GOLPH3: variants seen among roughly 807,000 people sequenced by gnomAD.
GOLPH3 encodes the protein golgi phosphoprotein 3.
In GOLPH3, 14 loss-of-function variants were observed where a neutral mutation model predicts 28.5. The observed-to-expected ratio is 0.49, with a 90% CI of 0.32 to 0.77. GOLPH3 has a LOEUF of 0.77. Among genes scored for constraint, GOLPH3 ranks in the 30% least tolerant of loss-of-function variants. The pLI, the probability that GOLPH3 is intolerant of heterozygous loss-of-function variation, is 0.03. For missense variants in GOLPH3, 350 were observed against 393.7 expected, an observed-to-expected ratio of 0.89 and a Z score of 0.94; for synonymous variants, 158 against 159.2, an observed-to-expected ratio of 0.99 and a Z score of 0.06.
intron 1 of GOLPH3, among the ~76,000 whole-genome samples, chr5:32,172,297 T>C (rs1006176897): frequency 6.6e-6 from 1 of 151,942 alleles, no homozygotes; most frequent in African/African-American, 2.4e-5. Context: ...AAACGGTCCA[T>C]ATAAAACTCG....
At position 32,166,827 on chromosome 5, in the gene GOLPH3, G is replaced by C. The variant is rs966626172; in HGVS notation, c.225+6983C>G. 1.5e-4 allele frequency among the ~76,000 whole-genome samples: 22 copies of C among 151,678 alleles called. No homozygotes were observed. The East Asian group carries it at 4.3e-3, about 29-fold the overall frequency. On this transcript the variant is annotated intron_variant, in intron 1 of 3. Coordinates refer to ENST00000265070, the MANE Select transcript of GOLPH3 (RefSeq NM_022130.4). The stretch of plus-strand genomic sequence containing the variant: ...CATCTTAAAAAAAAAAAAAAAGCAG[G>C]AGGAGGACAAGCACTGTCTTTTTGT...
At chr5:32,146,307 T>C (rs1238147158) in intron 1 of GOLPH3, among the ~76,000 whole-genome samples, 1 of 147,572 alleles carries the variant, frequency 6.8e-6, no homozygotes, top group Non-Finnish European at 1.5e-5. Context: ...AAAAAAAAGA[T>C]AAAATATGTG....
chr5:32,139,697 G>A (rs1581541388), intron 2 of GOLPH3, among the ~76,000 whole-genome samples: 1 of 151,988 alleles, frequency 6.6e-6, no homozygotes, highest in African/African-American at 2.4e-5. Context: ...TTTTTTTGGG[G>A]GGACGGGAAC....
At chr5:32,158,508 G>A (rs1057211148) in intron 1 of GOLPH3, among the ~76,000 whole-genome samples, 1 of 151,928 alleles carries the variant, frequency 6.6e-6, no homozygotes, top group African/African-American at 2.4e-5. Context: ...AGACAGACCC[G>A]GACCAACCCT....
chr5:32,148,453 T>C (rs765846528), intron 1 of GOLPH3, among the ~76,000 whole-genome samples: 1 of 152,222 alleles, frequency 6.6e-6, no homozygotes, highest in East Asian at 1.9e-4. Context: ...ATATTTTCTA[T>C]ATAAGGTTGA....
intron 1 of GOLPH3, among the ~76,000 whole-genome samples, chr5:32,163,424 T>A (rs1581556798): frequency 1.3e-5 from 2 of 152,166 alleles, no homozygotes. Context: ...ACATCTGTGA[T>A]CCCAGCACTT....
intron 1 of GOLPH3, among the ~76,000 whole-genome samples, chr5:32,169,111 TA>T (rs201258179): frequency 6.6e-6 from 1 of 150,770 alleles, no homozygotes; most frequent in Non-Finnish European, 1.5e-5. Context: ...CCTGTCTTTA[TA>T]AAAAAAAAAT....
intron 3 of GOLPH3, among the ~76,000 whole-genome samples, chr5:32,129,441 T>C (rs1745775752): frequency 3.3e-5 from 5 of 152,224 alleles, no homozygotes; most frequent in Admixed American, 3.3e-4. Context: ...GTATTTATAA[T>C]GTTCTAAGAA....
rs1323965110 is a variant in GOLPH3 at position 32,124,786 on chromosome 5, C to T, written c.*1426G>A. On this transcript the variant is annotated 3_prime_UTR_variant, in exon 4 of 4. Transcript: ENST00000265070. ...AAGATAGTATACATATTAGGGAATCCCTTAAAATTCAACTCTAGAGTTATA... is the reference window on the plus strand; with the variant it reads ...AAGATAGTATACATATTAGGGAATCTCTTAAAATTCAACTCTAGAGTTATA... The T allele has an allele frequency of 6.6e-6, 1 of 152,282 alleles. No homozygotes were observed. The highest frequency in any genetic ancestry group is 6.6e-5 in the Admixed American group (1 of 15,252). 9.4% of individuals were successfully genotyped at this position (152,282 alleles called of 1,614,324 possible). A position where few individuals can be genotyped will look rare whatever the true frequency, so the allele number is the denominator to read the frequency against.
intron 1 of GOLPH3, among the ~76,000 whole-genome samples, chr5:32,146,157 G>A (rs756838993): frequency 3.3e-5 from 5 of 151,940 alleles, no homozygotes; most frequent in Non-Finnish European, 7.4e-5. Context: ...GGGCATGGTG[G>A]CACCCGTCTG....
intron 1 of GOLPH3, among the ~76,000 whole-genome samples, chr5:32,173,333 A>C (rs1214571436): frequency 6.6e-6 from 1 of 151,700 alleles, no homozygotes; most frequent in East Asian, 1.9e-4. Context: ...GTAAGCTTTA[A>C]CTGAAGAAGA....
At chr5:32,152,696 C>T (rs1746334007) in intron 1 of GOLPH3, among the ~76,000 whole-genome samples, 1 of 151,236 alleles carries the variant, frequency 6.6e-6, no homozygotes, top group South Asian at 2.1e-4. Flanking sequence ...GCAGGAGAAT[C>T]GCTTGAACTC....
chr5:32,162,905 C>T (rs1004087661), intron 1 of GOLPH3, among the ~76,000 whole-genome samples: 1 of 152,124 alleles, frequency 6.6e-6, no homozygotes, highest in African/African-American at 2.4e-5. Flanking sequence ...AGTGAAACCC[C>T]GTCTCTACCA....
In GOLPH3 at chr5:32,158,112, AAATAAATAAAT is replaced by A. The variant is rs1226163034; in HGVS notation, c.226-14243_226-14233del. ...TCTCAAAATAAATAAATAAATAAAT[AAATAAATAAAT>A]AAATAAAATACACACACACACACAC... On this transcript the variant is annotated intron_variant, in intron 1 of 3. Transcript: ENST00000265070. Among the ~76,000 whole-genome samples the A allele has an allele frequency of 2.8e-4, 33 of 119,516 alleles. 2 individuals are homozygous for A. Among genetic ancestry groups the A allele is most frequent in the Admixed American group, 7.1e-4 (8 of 11,248 alleles). 78.4% of individuals were successfully genotyped at this position (119,516 alleles called of 152,430 possible).
chr5:32,171,858 G>A (rs1275113926), intron 1 of GOLPH3, among the ~76,000 whole-genome samples: 1 of 151,880 alleles, frequency 6.6e-6, no homozygotes, highest in African/African-American at 2.4e-5. Context: ...TGAGGCAGGA[G>A]AATCGCTTGA....
At chr5:32,169,481 C>T (rs1262104905) in intron 1 of GOLPH3, among the ~76,000 whole-genome samples, 1 of 152,198 alleles carries the variant, frequency 6.6e-6, no homozygotes, top group Non-Finnish European at 1.5e-5. Flanking sequence ...TTGGACAGGA[C>T]TATAGAGCCT....
intron 1 of GOLPH3, 75 bp from the exon 2 acceptor site, chr5:32,143,955 A>AATATT: frequency 9.8e-7 from 1 of 1,023,288 alleles, no homozygotes; most frequent in Non-Finnish European, 1.4e-6. Flanking sequence ...CAGAAATATT[A>AATATT]TCAGCCAAAG....
chr5:32,142,606 G>C (rs1387183083), intron 2 of GOLPH3, among the ~76,000 whole-genome samples: 1 of 138,132 alleles, frequency 7.2e-6, no homozygotes, highest in Non-Finnish European at 1.6e-5. Context: ...AGGTGGGGGG[G>C]TCAGCCCCCT....
intron 1 of GOLPH3, among the ~76,000 whole-genome samples, chr5:32,147,701 A>G (rs984611549): frequency 3.3e-5 from 5 of 152,206 alleles, no homozygotes; most frequent in African/African-American, 1.2e-4. Flanking sequence ...TAGTTGTTCA[A>G]GCTTAAAAGG....
Sources: allele counts gnomAD v4.1 joint callset (sites outside exome capture counted in the v4.1 genomes callset), GRCh38; gene constraint gnomAD v4.1.1; transcripts MANE v1.5; gene names NCBI Gene and HGNC (gene_info 2026-07-23, HGNC 2026-07-21).